Variants in MGAT4C observed in about 807,000 individuals in gnomAD.
The protein encoded by MGAT4C is alpha-1,3-mannosyl-glycoprotein 4-beta-N-acetylglucosaminyltransferase C.
In MGAT4C, 19 loss-of-function variants were observed where a neutral mutation model predicts 40.1. The ratio of observed to expected loss-of-function variants is 0.47; its 90% confidence interval spans 0.33 to 0.70. The LOEUF is 0.70. Among genes scored for constraint, MGAT4C ranks in the 30% least tolerant of loss-of-function variants. MGAT4C has a pLI of 0.02. For missense variants in MGAT4C, 491 were observed against 563.2 expected (o/e 0.87, Z 1.30); for synonymous variants, 181 against 187.1 (o/e 0.97, Z 0.27).
chr12:86,211,444 G>A (rs991000719), intron 1 of MGAT4C, among the ~76,000 whole-genome samples: 13 of 127,130 alleles, frequency 1.0e-4, no homozygotes, highest in East Asian at 9.2e-4. Context: ...AAAATTAGCC[G>A]GGCGTGGTGG....
chr12:86,329,631 C>A (rs1337724204), intron 4 of MGAT4C, among the ~76,000 whole-genome samples: 1 of 152,092 alleles, frequency 6.6e-6, no homozygotes, highest in African/African-American at 2.4e-5. Flanking sequence ...TTGCTGCTTC[C>A]CTCAGCTGAA....
intron 1 of MGAT4C, among the ~76,000 whole-genome samples, chr12:86,100,518 T>C (rs901422231): frequency 4.6e-5 from 7 of 151,364 alleles, no homozygotes; most frequent in African/African-American, 1.7e-4. Context: ...CCACCACCAT[T>C]CCATGTTGAG....
chr12:86,109,408 G>A (rs987562990), intron 1 of MGAT4C, among the ~76,000 whole-genome samples: 1 of 152,064 alleles, frequency 6.6e-6, no homozygotes, highest in Admixed American at 6.6e-5. Flanking sequence ...TTTTCTTAAA[G>A]AGTTAATTAA....
chr12:86,341,938 A>C (rs986208543), intron 3 of MGAT4C, among the ~76,000 whole-genome samples: 3 of 152,122 alleles, frequency 2.0e-5, no homozygotes, highest in African/African-American at 7.2e-5. Context: ...GCCTTTGAGC[A>C]TTGGAGTGCC....
At chr12:86,561,270 G>A (rs191269255) in intron 2 of MGAT4C, among the ~76,000 whole-genome samples, 37 of 152,242 alleles carry the variant, frequency 2.4e-4, no homozygotes, top group Admixed American at 7.9e-4. Flanking sequence ...CCCTGTGATC[G>A]TTAATACTGA....
intron 2 of MGAT4C, among the ~76,000 whole-genome samples, chr12:86,508,910 GT>G (rs975848807): frequency 1.3e-4 from 19 of 150,330 alleles, no homozygotes; most frequent in African/African-American, 4.7e-4. Context: ...GGGGTTGTTT[GT>G]TTTTTTCTTG....
chr12:86,836,775 T>C (rs1482127397), intron 1 of MGAT4C, among the ~76,000 whole-genome samples: 1 of 152,130 alleles, frequency 6.6e-6, no homozygotes, highest in East Asian at 1.9e-4. Flanking sequence ...ATTGCTAAAC[T>C]TCTATTCTAG....
chr12:86,205,834 A>G (rs1268432746), intron 1 of MGAT4C, among the ~76,000 whole-genome samples: 2 of 152,086 alleles, frequency 1.3e-5, no homozygotes, highest in Non-Finnish European at 2.9e-5. Flanking sequence ...GAAACTCCCT[A>G]CAATGGTACT....
At chr12:86,565,623 C>T (rs1960057271) in intron 2 of MGAT4C, among the ~76,000 whole-genome samples, 1 of 152,160 alleles carries the variant, frequency 6.6e-6, no homozygotes, top group Admixed American at 6.5e-5. Flanking sequence ...GCTGGATGCC[C>T]AGGGACTTAG....
At chr12:86,273,265 T>C (rs992689258) in intron 4 of MGAT4C, among the ~76,000 whole-genome samples, 2 of 152,194 alleles carry the variant, frequency 1.3e-5, no homozygotes, top group Admixed American at 6.5e-5. Context: ...TACTTGATTT[T>C]CCTGTATCTT....
intron 3 of MGAT4C, among the ~76,000 whole-genome samples, chr12:86,405,938 T>A (rs1389800923): frequency 1.2e-3 from 4 of 3,296 alleles, no homozygotes; most frequent in Admixed American, 3.1e-3. Flanking sequence ...ATACATACAT[T>A]TATAAATACA....
At chr12:86,545,638 A>T (rs1161031592) in intron 2 of MGAT4C, among the ~76,000 whole-genome samples, 1 of 151,978 alleles carries the variant, frequency 6.6e-6, no homozygotes, top group African/African-American at 2.4e-5. Context: ...TTTTAGAAAC[A>T]GTGTGCTTTT....
upstream of MGAT4C, among the ~76,000 whole-genome samples, chr12:86,260,026 A>G (rs1034388940): frequency 6.6e-6 from 1 of 152,078 alleles, no homozygotes; most frequent in African/African-American, 2.4e-5. Context: ...ATTCATTAGC[A>G]TTATTTTACT....
chr12:86,815,857 TG>T (rs572925380), intron 1 of MGAT4C, among the ~76,000 whole-genome samples: 2 of 113,008 alleles, frequency 1.8e-5, no homozygotes, highest in East Asian at 3.1e-4. Flanking sequence ...GGAAGAGTGG[TG>T]GGGGGGCAAG....
chr12:86,383,952 G>A (rs1014787295), intron 3 of MGAT4C, among the ~76,000 whole-genome samples: 5 of 152,166 alleles, frequency 3.3e-5, no homozygotes, highest in Non-Finnish European at 4.4e-5. Context: ...TGTGTTGTGG[G>A]AGGGATCTGG....
At chr12:86,011,054 A>C (rs148598976) in intron 2 of MGAT4C, among the ~76,000 whole-genome samples, 5 of 152,334 alleles carry the variant, frequency 3.3e-5, no homozygotes, top group Non-Finnish European at 2.9e-5. Flanking sequence ...TGTATGTATA[A>C]ATTACCCAGT....
At chr12:86,464,629 G>A (rs1330300313) in intron 2 of MGAT4C, among the ~76,000 whole-genome samples, 1 of 152,022 alleles carries the variant, frequency 6.6e-6, no homozygotes, top group Non-Finnish European at 1.5e-5. Context: ...ATTTACTTGA[G>A]TGCAATAACT....
At chr12:86,529,526 G>A (rs1958941511) in intron 2 of MGAT4C, among the ~76,000 whole-genome samples, 2 of 151,922 alleles carry the variant, frequency 1.3e-5, no homozygotes, top group African/African-American at 2.4e-5. Context: ...AAGGAGCTAT[G>A]AACAAATCGT....
At chr12:86,019,576 C>T (rs1453743643) in intron 2 of MGAT4C, among the ~76,000 whole-genome samples, 1 of 152,106 alleles carries the variant, frequency 6.6e-6, no homozygotes, top group African/African-American at 2.4e-5. Context: ...ATAATACATG[C>T]TGTTTTGGTT....
Sources: allele counts gnomAD v4.1 joint callset (sites outside exome capture counted in the v4.1 genomes callset), GRCh38; gene constraint gnomAD v4.1.1; transcripts MANE v1.5; gene names NCBI Gene and HGNC (gene_info 2026-07-23, HGNC 2026-07-21).